ROBO2: variants seen among roughly 807,000 people sequenced by gnomAD.
The protein encoded by ROBO2 is roundabout homolog 2.
In ROBO2, 53 loss-of-function variants were observed where a neutral mutation model predicts 160.8. The observed-to-expected ratio is 0.33, with a 90% confidence interval of 0.26 to 0.41. ROBO2 has a LOEUF of 0.41. Among genes scored for constraint, ROBO2 ranks in the 10% least tolerant of loss-of-function variants. ROBO2 has a pLI of 1.00. For synonymous variants in ROBO2, 664 were observed against 611.7 expected, an observed-to-expected ratio of 1.09 and a Z score of -1.26; for missense variants, 1,577 against 1,722.4, an observed-to-expected ratio of 0.92 and a Z score of 1.49.
chr3:77,103,375 G>C (rs781538190), intron 2 of ROBO2, among the ~76,000 whole-genome samples: 4 of 150,882 alleles, frequency 2.7e-5, no homozygotes, highest in African/African-American at 9.7e-5. Context: ...GGAGGTTGTG[G>C]TTCAAAGGTC....
chr3:77,272,918 A>C (rs1352950327), intron 2 of ROBO2, among the ~76,000 whole-genome samples: 3 of 152,158 alleles, frequency 2.0e-5, no homozygotes, highest in Admixed American at 6.5e-5. Flanking sequence ...CTAGATATTC[A>C]TGTTCAAACA....
intron 2 of ROBO2, among the ~76,000 whole-genome samples, chr3:77,376,624 G>A (rs2072714763): frequency 6.6e-6 from 1 of 152,122 alleles, no homozygotes; most frequent in South Asian, 2.1e-4. Flanking sequence ...CCCTAGGTTG[G>A]TTGCATATCC....
chr3:76,942,762 A>G (rs1457697927), intron 2 of ROBO2, among the ~76,000 whole-genome samples: 1 of 152,054 alleles, frequency 6.6e-6, no homozygotes, highest in Non-Finnish European at 1.5e-5. Context: ...TGATTTCTCC[A>G]TTTCAGTTCC....
At chr3:76,463,021 G>T (rs994072527) in intron 2 of ROBO2, among the ~76,000 whole-genome samples, 1 of 151,984 alleles carries the variant, frequency 6.6e-6, no homozygotes, top group South Asian at 2.1e-4. Flanking sequence ...GCCCATCACC[G>T]CATTACATGG....
Position 76,934,210 on chromosome 3 carries a change from G to GA in ROBO2, c.110-163792dup, listed in dbSNP as rs10687758. 3.6e-3 allele frequency among the ~76,000 whole-genome samples: 509 copies of GA among 142,590 alleles called. 2 individuals carry two copies. Among genetic ancestry groups the GA allele is most frequent in the African/African-American group, 0.011 (444 of 39,782 alleles). 93.5% of individuals were successfully genotyped at this position (142,590 alleles called of 152,430 possible). A position where few individuals can be genotyped will look rare whatever the true frequency, so the allele number is the denominator to read the frequency against. ...TGTGTATGACATGAGATCGAAAATA[G>GA]AAAAAAAAAAAAGATTAAACCACTT... On this transcript the variant is annotated intron_variant, in intron 2 of 26. Coordinates refer to the ROBO2 transcript ENST00000487694.
chr3:76,519,284 G>T (rs1478531536), intron 2 of ROBO2, among the ~76,000 whole-genome samples: 1 of 152,188 alleles, frequency 6.6e-6, no homozygotes, highest in African/African-American at 2.4e-5. Flanking sequence ...ATTTGTTTAT[G>T]TATGTTCCTA....
chr3:76,748,835 ATTTGT>A (rs2093934225), intron 2 of ROBO2, among the ~76,000 whole-genome samples: 1 of 151,934 alleles, frequency 6.6e-6, no homozygotes, highest in South Asian at 2.1e-4. Context: ...AATTTTATGA[ATTTGT>A]TTTAAGGAGA....
chr3:76,567,815 T>A (rs1450583287), intron 2 of ROBO2, among the ~76,000 whole-genome samples: 2 of 139,400 alleles, frequency 1.4e-5, no homozygotes, highest in African/African-American at 5.4e-5. Context: ...ATATTTTTTT[T>A]TTTTTTTTGG....
At chr3:76,302,249 AT>A (rs1393946017) in intron 2 of ROBO2, among the ~76,000 whole-genome samples, 2 of 152,044 alleles carry the variant, frequency 1.3e-5, no homozygotes, top group African/African-American at 4.8e-5. Context: ...GCAGTTTTAC[AT>A]TTATTAAATA....
At chr3:76,097,563 AT>A (rs11304761) in intron 2 of ROBO2, among the ~76,000 whole-genome samples, 9,943 of 152,214 alleles carry the variant, frequency 0.065, 821 homozygotes, top group African/African-American at 0.19. Flanking sequence ...AAGTTTTCTG[AT>A]TAGCAAAGAG....
At chr3:77,079,411 G>A (rs184246687) in intron 1 of ROBO2, among the ~76,000 whole-genome samples, 13 of 152,120 alleles carry the variant, frequency 8.5e-5, no homozygotes, top group African/African-American at 2.9e-4. Context: ...CTAGCCTTCC[G>A]GGTTTTTCCT....
At chr3:76,521,188 A>G (rs2081596964) in intron 2 of ROBO2, among the ~76,000 whole-genome samples, 1 of 151,688 alleles carries the variant, frequency 6.6e-6, no homozygotes, top group African/African-American at 2.4e-5. Context: ...AGTTGGGACT[A>G]CAGGCATGCG....
At chr3:76,152,847 G>T (rs1467221124) in intron 2 of ROBO2, among the ~76,000 whole-genome samples, 2 of 151,952 alleles carry the variant, frequency 1.3e-5, no homozygotes, top group Admixed American at 6.6e-5. Flanking sequence ...GCTTTTTATT[G>T]TTTCCATTTT....
intron 2 of ROBO2, among the ~76,000 whole-genome samples, chr3:76,868,474 A>G (rs2148661170): frequency 6.6e-6 from 1 of 152,322 alleles, no homozygotes; most frequent in Admixed American, 6.5e-5. Context: ...TAAAATTTAG[A>G]CAAACACTTA....
At chr3:76,317,529 G>C (rs1013267054) in intron 2 of ROBO2, among the ~76,000 whole-genome samples, 2 of 152,132 alleles carry the variant, frequency 1.3e-5, no homozygotes, top group Non-Finnish European at 2.9e-5. Flanking sequence ...AAACTGAACT[G>C]TATGAATATT....
chr3:76,688,189 T>A (rs962027833), intron 2 of ROBO2, among the ~76,000 whole-genome samples: 7 of 152,054 alleles, frequency 4.6e-5, no homozygotes, highest in Non-Finnish European at 1.0e-4. Flanking sequence ...TTATGCTGGT[T>A]GGCAAATAAT....
chr3:76,093,263 G>T (rs2069304081), intron 2 of ROBO2, among the ~76,000 whole-genome samples: 1 of 151,664 alleles, frequency 6.6e-6, no homozygotes, highest in South Asian at 2.1e-4. Context: ...TCAATCTTGT[G>T]CTTGCCTCCC....
intron 2 of ROBO2, among the ~76,000 whole-genome samples, chr3:76,444,165 A>G (rs1360800534): frequency 1.3e-5 from 2 of 152,022 alleles, no homozygotes; most frequent in Non-Finnish European, 2.9e-5. Flanking sequence ...TTTTTAGTAG[A>G]GACGGGGTCT....
At chr3:76,295,483 G>C (rs1317417975) in intron 2 of ROBO2, among the ~76,000 whole-genome samples, 1 of 151,954 alleles carries the variant, frequency 6.6e-6, no homozygotes, top group African/African-American at 2.4e-5. Flanking sequence ...TGGATACTAG[G>C]GTATATGAAC....
Sources: gnomAD v4.1 joint callset for allele counts (sites outside exome capture counted in the v4.1 genomes callset) on GRCh38, gnomAD v4.1.1 for gene constraint, MANE v1.5 for transcripts, NCBI Gene and HGNC (gene_info 2026-07-23, HGNC 2026-07-21) for gene names.